The following TTLL7 variants were observed in gnomAD, a reference collection of about 807,000 sequenced individuals.
TTLL7 encodes the protein tubulin polyglutamylase TTLL7.
Under a neutral mutation model 120.2 loss-of-function variants are expected in TTLL7, and 53 were observed. The observed-to-expected ratio is 0.44, with a 90% CI of 0.35 to 0.55. The LOEUF is 0.55. Ranked by LOEUF, TTLL7 falls within the 20% of genes least tolerant of loss-of-function variation. The pLI, the probability that TTLL7 is intolerant of heterozygous loss-of-function variation, is 0.00. For synonymous variants in TTLL7, 353 were observed against 351.7 expected, an observed-to-expected ratio of 1.00 and a Z score of -0.04; for missense variants, 803 against 1,054.7, an observed-to-expected ratio of 0.76 and a Z score of 3.31.
chr1:83,921,223 G>A lies in TTLL7; in HGVS notation c.1290+24C>T, dbSNP rs751470530. 4 of 1,610,170 alleles carry A rather than the reference G, an allele frequency of 2.5e-6. No individual in the cohort carries two copies. The South Asian group carries it at 4.4e-5, about 18-fold the overall frequency. On this transcript the variant is annotated intron_variant, in intron 11 of 20. Coordinates refer to ENST00000260505, the MANE Select transcript of TTLL7 (RefSeq NM_024686.6). ...AGTGAATTATGCAATTTAAATTGTGGGTACTTTCTTAAAACTTTCATACCA... is the reference window on the plus strand; with the variant it reads ...AGTGAATTATGCAATTTAAATTGTGAGTACTTTCTTAAAACTTTCATACCA...
At chr1:83,980,308 T>G (rs1651838114) in intron 1 of TTLL7, 1 of 152,160 alleles carries the variant, frequency 6.6e-6, no homozygotes, top group Non-Finnish European at 1.5e-5. Context: ...TCTCCAAATG[T>G]GGCTGAAGCA....
At chr1:83,990,259 T>TCC (rs996720547) in intron 1 of TTLL7, among the ~76,000 whole-genome samples, 3 of 147,018 alleles carry the variant, frequency 2.0e-5, no homozygotes, top group Non-Finnish European at 4.5e-5. Flanking sequence ...CACTGCAAGC[T>TCC]CCGCTTCCTG....
rs1571218305 is a variant in TTLL7 at position 83,929,224 on chromosome 1, G to A, written c.1054C>T (p.Arg352Ter). 1.2e-6 allele frequency: 2 copies of A among 1,606,870 alleles called. No individual in the cohort carries two copies. The highest frequency in any genetic ancestry group is 1.7e-6 in the Non-Finnish European group (2 of 1,175,850). ...TGATCAGTTCCAAAGCTTGGGGCTC[G>A]GTTAATCTGAAATTTACAAAGAAGA... ...KLKPWLLEIN[R>*]APSFGTDQKI... Residue 352 changes from arginine to a stop codon, truncating the protein, a stop_gained, in exon 10 of 21, where the codon CGA becomes TGA. Transcript: ENST00000260505. LOFTEE classifies it high-confidence loss of function.
At chr1:83,943,885 C>T (rs1421439398) in intron 6 of TTLL7, among the ~76,000 whole-genome samples, 1 of 151,666 alleles carries the variant, frequency 6.6e-6, no homozygotes. Context: ...AAACCATGTA[C>T]AAAGAACTGA....
chr1:83,968,073 G>A (rs1448246654), intron 1 of TTLL7, among the ~76,000 whole-genome samples: 1 of 152,016 alleles, frequency 6.6e-6, no homozygotes, highest in African/African-American at 2.4e-5. Flanking sequence ...AGTTGGCAAG[G>A]TATGAAAACC....
chr1:83,897,336 A>G (rs1304255968), intron 18 of TTLL7, among the ~76,000 whole-genome samples: 1 of 152,080 alleles, frequency 6.6e-6, no homozygotes, highest in African/African-American at 2.4e-5. Context: ...CCCTCAATAA[A>G]TATCTGTTGA....
intron 1 of TTLL7, among the ~76,000 whole-genome samples, chr1:83,997,060 A>G (rs1214180812): frequency 6.6e-6 from 1 of 152,136 alleles, no homozygotes. Context: ...ACAAGACCCC[A>G]CTTCTCATAC....
chr1:83,890,487 G>A lies in TTLL7; in HGVS notation c.2209-6C>T. 2.5e-6 allele frequency: 4 copies of A among 1,604,474 alleles called. No homozygotes were observed. The highest frequency in any genetic ancestry group is 3.4e-6 in the Non-Finnish European group (4 of 1,176,250). The stretch of plus-strand genomic sequence containing the variant: ...GTTTTCACTATGTCCAAAACCTAGT[G>A]GAAAAACCAAAGTACTTACAATCTA... On this transcript the variant is annotated splice_polypyrimidine_tract_variant and splice_region_variant and intron_variant, in intron 18 of 20. Coordinates refer to ENST00000260505, the MANE Select transcript of TTLL7 (RefSeq NM_024686.6).
Position 83,937,838 on chromosome 1 carries a change from T to C in TTLL7, c.888+14A>G, listed in dbSNP as rs1217286660. The C allele has an allele frequency of 6.2e-6, 10 of 1,613,190 alleles. 1 individual carries two copies. The South Asian group carries it at 1.1e-4, about 18-fold the overall frequency. On this transcript the variant is annotated intron_variant, in intron 8 of 20. Transcript: ENST00000260505. ...AGGAAAGACTGTTATAATTGTGGAA[T>C]GGCATAATCTTACTGAAATATCACT...
chr1:83,919,559 C>T, intron 13 of TTLL7, 140 bp downstream of exon 13: 22 of 732,392 alleles, frequency 3.0e-5, no homozygotes, highest in South Asian at 1.5e-4. Context: ...GAAATGTTAC[C>T]AACTGTTAAA....
At position 83,883,081 on chromosome 1, in the gene TTLL7, G is replaced by A; in HGVS notation, c.2425C>T (p.Leu809Phe). ...TCCACTAGGCGCTGGCAACACTGGA[G>A]CTGCAAAGGAGTCACCACCTCCGGG... ...KSPEVVTPLQ[L>F]QCCQRLVELC... Residue 809 changes from leucine to phenylalanine, a missense_variant, in exon 20 of 21, where the codon CTC becomes TTC. Physicochemically the swap from Leu to Phe is conservative, Grantham distance 22. Coordinates refer to ENST00000260505, the MANE Select transcript of TTLL7 (RefSeq NM_024686.6). The A allele has an allele frequency of 6.2e-7, 1 of 1,612,178 alleles. No individual in the cohort carries two copies. Among genetic ancestry groups the A allele is most frequent in the East Asian group, 2.2e-5 (1 of 44,806 alleles).
chr1:83,883,112 A>G lies in TTLL7; in HGVS notation c.2394T>C (p.Asn798=), dbSNP rs756889429. ...AAGGAGTCACCACCTCCGGGCTTTT[A>G]TTGAATATACTCTCCCAAGAGGATC... ...DSGSSWESIF[N]KSPEVVTPLQ... Residue 798 remains asparagine, a synonymous_variant, in exon 20 of 21, where the codon AAT becomes AAC. Transcript: ENST00000260505. 13 of 1,608,982 alleles carry G rather than the reference A, an allele frequency of 8.1e-6. No individual in the cohort carries two copies. The highest frequency in any genetic ancestry group is 1.1e-5 in the Non-Finnish European group (13 of 1,177,758).
At chr1:83,897,980 G>C (rs1229835139) in intron 18 of TTLL7, among the ~76,000 whole-genome samples, 1 of 151,668 alleles carries the variant, frequency 6.6e-6, no homozygotes, top group Non-Finnish European at 1.5e-5. Context: ...GCCAAAAGAA[G>C]GATGGATCTG....
intron 1 of TTLL7, among the ~76,000 whole-genome samples, chr1:83,957,724 A>C (rs1377100873): frequency 6.6e-6 from 1 of 152,170 alleles, no homozygotes; most frequent in Non-Finnish European, 1.5e-5. Flanking sequence ...CTTTAAATAT[A>C]ACATATTGAA....
At chr1:83,895,635 G>A (rs897944284) in intron 18 of TTLL7, among the ~76,000 whole-genome samples, 1 of 152,024 alleles carries the variant, frequency 6.6e-6, no homozygotes, top group South Asian at 2.1e-4. Context: ...AATTTTTTTG[G>A]TCGTGAAAAC....
intron 1 of TTLL7, among the ~76,000 whole-genome samples, chr1:83,978,087 A>G (rs1433713313): frequency 3.9e-5 from 6 of 152,030 alleles, no homozygotes; most frequent in Admixed American, 3.9e-4. Flanking sequence ...TATTTATGGG[A>G]TAAAAATTAG....
chr1:83,874,803 T>TA (rs1653773657), intron 20 of TTLL7, among the ~76,000 whole-genome samples: 2 of 151,936 alleles, frequency 1.3e-5, no homozygotes, highest in Admixed American at 6.6e-5. Flanking sequence ...TTCTCAGCTG[T>TA]AAAAAATTCC....
chr1:83,995,389 G>A (rs781376437), intron 1 of TTLL7, among the ~76,000 whole-genome samples: 62 of 151,490 alleles, frequency 4.1e-4, no homozygotes, highest in Admixed American at 7.9e-4. Flanking sequence ...TCCCTTTGGC[G>A]GTAAGTGAGC....
At chr1:83,887,103 C>A in intron 19 of TTLL7, 1 of 444,142 alleles carries the variant, frequency 2.3e-6, no homozygotes, top group South Asian at 4.5e-5. Flanking sequence ...CCTTGGCCAA[C>A]TCTAGGGAAA....
Sources: gnomAD v4.1 joint callset for allele counts (sites outside exome capture counted in the v4.1 genomes callset) on GRCh38, gnomAD v4.1.1 for gene constraint, MANE v1.5 for transcripts, NCBI Gene and HGNC (gene_info 2026-07-23, HGNC 2026-07-21) for gene names.